Variants in CFAP46 observed in about 807,000 individuals in gnomAD.
CFAP46 encodes cilia- and flagella-associated protein 46.
Under a neutral mutation model 325.7 loss-of-function variants are expected in CFAP46, and 245 were observed. The ratio of observed to expected loss-of-function variants is 0.75; its 90% CI spans 0.68 to 0.84. The LOEUF is 0.84. Among genes scored for constraint, CFAP46 ranks in the 40% least tolerant of loss-of-function variants. CFAP46 has a pLI of 0.00. For synonymous variants in CFAP46, 1,523 were observed against 1,495.9 expected, an observed-to-expected ratio of 1.02 and a Z score of -0.42; for missense variants, 3,346 against 3,543.0, an observed-to-expected ratio of 0.94 and a Z score of 1.41.
rs993383145 is a variant in CFAP46 at position 132,933,487 on chromosome 10, C to G, written c.866+1265G>C. 2.6e-5 allele frequency among the ~76,000 whole-genome samples: 4 copies of G among 152,384 alleles called. No individual in the cohort carries two copies. In the South Asian group the frequency reaches 8.3e-4, roughly 32 times the overall value. On this transcript the variant is annotated intron_variant, in intron 8 of 57. Transcript: ENST00000368586. ...TTGGCCGGACTTCAGTTAGAACAAC[C>G]TGGAGGGTCTGATGGAAGACGTAAA...
At chr10:132,878,935 G>A (rs1358650650) in intron 29 of CFAP46, among the ~76,000 whole-genome samples, 1 of 152,230 alleles carries the variant, frequency 6.6e-6, no homozygotes, top group Non-Finnish European at 1.5e-5. Context: ...TACAGGGAGA[G>A]GTGGTAGGAG....
At position 132,892,373 on chromosome 10, in the gene CFAP46, G is replaced by C. The variant is rs1231878360; in HGVS notation, c.3264C>G (p.Asp1088Glu). ...CTTCGGTCGTCCCGCCACCCTGGAA[G>C]TCGGCCGTGGGCCACTGGTGCAGAA... ...TLLLHQWPTA[D>E]FQGGGTTEGY... Residue 1088 changes from aspartate (D) to glutamate (E), a missense_variant, in exon 25 of 58, where the codon GAC (aspartate) becomes GAG (glutamate). Physicochemically the swap from Asp to Glu is conservative, Grantham distance 45. Transcript: ENST00000368586. The C allele has an allele frequency of 6.4e-7, 1 of 1,550,914 alleles. No homozygotes were observed. The highest frequency in any genetic ancestry group is 2.4e-5 in the East Asian group (1 of 40,930).
chr10:132,884,909 A>G lies in CFAP46; in HGVS notation c.3627+194T>C, dbSNP rs1326831645. ...ATGCTGGAAAGGGACCACTGAAACC[A>G]GCTCCATCCCTCGTCCCTGACTGGT... On this transcript the variant is annotated intron_variant, in intron 27 of 57. Coordinates refer to ENST00000368586, the MANE Select transcript of CFAP46 (RefSeq NM_001200049.3). The surrounding 1 kb of genome is among the most constrained non-coding windows in gnomAD (Gnocchi z 5.4). Among the ~76,000 whole-genome samples, 1 of 152,108 alleles carries G rather than the reference A, an allele frequency of 6.6e-6. No individual in the cohort carries two copies. Among genetic ancestry groups the G allele is most frequent in the Admixed American group, 6.5e-5 (1 of 15,282 alleles).
chr10:132,812,236 G>A (rs1192217686), intron 55 of CFAP46, among the ~76,000 whole-genome samples: 3 of 152,200 alleles, frequency 2.0e-5, no homozygotes, highest in Non-Finnish European at 2.9e-5. Flanking sequence ...CTCACGCCAC[G>A]CCCCCAGCCT....
intron 8 of CFAP46, among the ~76,000 whole-genome samples, chr10:132,934,400 G>A (rs1849960088): frequency 6.6e-6 from 1 of 152,170 alleles, no homozygotes; most frequent in Non-Finnish European, 1.5e-5. Context: ...ATTCGAGAAA[G>A]CACAGAATCC....
At chr10:132,909,762 C>A (rs1320090029) in intron 20 of CFAP46, among the ~76,000 whole-genome samples, 157 bp downstream of exon 20, 1 of 152,230 alleles carries the variant, frequency 6.6e-6, no homozygotes, top group Non-Finnish European at 1.5e-5. Flanking sequence ...GGGCAGCCAG[C>A]GGCGGTGAGC....
At position 132,832,980 on chromosome 10, in the gene CFAP46, A is replaced by G. The variant is rs770657300; in HGVS notation, c.7117+378T>C. Among the ~76,000 whole-genome samples the G allele has an allele frequency of 3.3e-5, 5 of 152,104 alleles. No individual in the cohort carries two copies. The highest frequency in any genetic ancestry group is 3.3e-4 in the Admixed American group (5 of 15,270). On this transcript the variant is annotated intron_variant, in intron 50 of 57. Coordinates refer to ENST00000368586, the MANE Select transcript of CFAP46 (RefSeq NM_001200049.3). The surrounding 1 kb of genome is among the most constrained non-coding windows in gnomAD (Gnocchi z 4.1). ...TTTGAGTGTTTATATATATACATATATATTTTATTTTTGACAGGGTCTCAC... is the reference window on the plus strand; with the variant it reads ...TTTGAGTGTTTATATATATACATATGTATTTTATTTTTGACAGGGTCTCAC...
intron 17 of CFAP46, among the ~76,000 whole-genome samples, chr10:132,915,153 A>G (rs1377664087): frequency 6.6e-6 from 1 of 152,300 alleles, no homozygotes; most frequent in Non-Finnish European, 1.5e-5. Context: ...TACAAATTTA[A>G]AAGTGTCAAA....
At chr10:132,836,352 C>G (rs948678993) in intron 45 of CFAP46, 134 bp from the exon 46 acceptor site, 1 of 763,770 alleles carries the variant, frequency 1.3e-6, no homozygotes, top group Non-Finnish European at 2.2e-6. Flanking sequence ...GGGCCCTCCC[C>G]GTGTGCGCCT....
intron 10 of CFAP46, 61 bp downstream of exon 10, chr10:132,926,507 C>G: frequency 8.0e-7 from 1 of 1,243,550 alleles, no homozygotes; most frequent in South Asian, 1.3e-5. Context: ...ACTCAACTTG[C>G]ACCAAGCTCC....
rs1293070425 is a variant in CFAP46 at position 132,867,514 on chromosome 10, C to T, written c.4611-7G>A. On this transcript the variant is annotated splice_polypyrimidine_tract_variant and splice_region_variant and intron_variant, in intron 33 of 57. Transcript: ENST00000368586. ...CGCGATCTCTTTTCTGCAGCTAATG[C>T]GAGGAAAACAGACAATACGCAAGAG... The T allele has an allele frequency of 3.9e-6, 6 of 1,549,022 alleles. No homozygotes were observed. Among genetic ancestry groups the T allele is most frequent in the South Asian group, 3.6e-5 (3 of 83,738 alleles).
In CFAP46 at chr10:132,919,945, G is replaced by A. The variant is rs562725732; in HGVS notation, c.1730+114C>T. The A allele has an allele frequency of 7.9e-5, 106 of 1,340,132 alleles. 1 individual carries two copies. The South Asian group carries it at 1.2e-3, about 15-fold the overall frequency. 83.0% of individuals were successfully genotyped at this position (1,340,132 alleles called of 1,614,324 possible). A position where few individuals can be genotyped will look rare whatever the true frequency, so the allele number is the denominator to read the frequency against. On this transcript the variant is annotated intron_variant, in intron 14 of 57. Transcript: ENST00000368586. The surrounding 1 kb of genome is among the most constrained non-coding windows in gnomAD (Gnocchi z 9.7). The stretch of plus-strand genomic sequence containing the variant: ...ACCATCCTGGAGCAGGTGGCCTGGC[G>A]AGTCCCCAGACGGCCACATGCAGGG...
chr10:132,922,911 C>T (rs902316033), intron 11 of CFAP46, among the ~76,000 whole-genome samples: 15 of 152,214 alleles, frequency 9.9e-5, no homozygotes, highest in Admixed American at 6.5e-4. Context: ...AGAGAAGCCC[C>T]TGCAGACCGC....
chr10:132,912,287 C>A (rs1313183903), intron 19 of CFAP46, among the ~76,000 whole-genome samples: 17 of 79,248 alleles, frequency 2.1e-4, no homozygotes, highest in Non-Finnish European at 4.0e-4. Flanking sequence ...CCTCTCTCCT[C>A]CTCTCTCTCT....
chr10:132,912,768 T>C lies in CFAP46; in HGVS notation c.2386A>G (p.Ile796Val), dbSNP rs1849573253. The C allele has an allele frequency of 1.3e-6, 2 of 1,550,190 alleles. No individual in the cohort carries two copies. Among genetic ancestry groups the C allele is most frequent in the Non-Finnish European group, 1.7e-6 (2 of 1,147,008 alleles). The change falls in exon 19 of 58, where the codon ATC becomes GTC. Residue 796 changes from isoleucine (I) to valine (V), a missense_variant. By Grantham distance (29) the Ile-to-Val change is conservative. Coordinates refer to ENST00000368586, the MANE Select transcript of CFAP46 (RefSeq NM_001200049.3). Reference sequence around the variant, plus strand: ...GCAGCCTGGACTGGAATCCAGCTGATGATCAGGCCTCGCGCCAAGGTGTTG... The same window carrying C: ...GCAGCCTGGACTGGAATCCAGCTGACGATCAGGCCTCGCGCCAAGGTGTTG... ...LCNTLARGLI[I>V]SWIPVQAAEK...
chr10:132,845,914 G>T, intron 44 of CFAP46, 143 bp downstream of exon 44: 1 of 929,366 alleles, frequency 1.1e-6, no homozygotes, highest in Non-Finnish European at 1.6e-6. Context: ...AGGTGCACAT[G>T]GCTGGGGGCA....
chr10:132,897,096 T>C (rs955964405), intron 24 of CFAP46, among the ~76,000 whole-genome samples: 2 of 152,184 alleles, frequency 1.3e-5, no homozygotes, highest in Non-Finnish European at 2.9e-5. Context: ...TAATACCATA[T>C]GCAAAACTTA....
At position 132,851,333 on chromosome 10, in the gene CFAP46, C is replaced by G; in HGVS notation, c.5575-28G>C. On this transcript the variant is annotated intron_variant, in intron 39 of 57. Coordinates refer to ENST00000368586, the MANE Select transcript of CFAP46 (RefSeq NM_001200049.3). ...GAGGGGGTCAGGCATGCCTCTGAAG[C>G]ATGGAAGCTTCTGGTAAGCCTGAAT... 3.1e-6 allele frequency: 5 copies of G among 1,600,702 alleles called. 1 individual carries two copies. In the South Asian group the frequency reaches 5.6e-5, roughly 18 times the overall value.
At chr10:132,892,180 T>C (rs1435001008) in intron 25 of CFAP46, among the ~76,000 whole-genome samples, 153 bp downstream of exon 25, 1 of 152,336 alleles carries the variant, frequency 6.6e-6, no homozygotes, top group South Asian at 2.1e-4. Flanking sequence ...GCGCCTGGCA[T>C]GCATCAGATG....
Sources: allele counts gnomAD v4.1 joint callset (sites outside exome capture counted in the v4.1 genomes callset), GRCh38; gene constraint gnomAD v4.1.1; non-coding constraint Gnocchi (gnomAD v3.1); transcripts MANE v1.5; gene names NCBI Gene and HGNC (gene_info 2026-07-23, HGNC 2026-07-21).